DTNA: variants seen among roughly 807,000 people sequenced by gnomAD.
The protein encoded by DTNA is dystrophin-related protein 3.
A neutral mutation model predicts 100.7 loss-of-function variants in DTNA; 43 were observed. The observed-to-expected ratio is 0.43, with a 90% CI of 0.33 to 0.55. DTNA has a LOEUF of 0.55. Ranked by LOEUF, DTNA falls within the 20% of genes least tolerant of loss-of-function variation. The pLI is 0.04. For synonymous variants in DTNA, 349 were observed against 347.9 expected (o/e 1.00, Z -0.04); for missense variants, 798 against 953.9 (o/e 0.84, Z 2.15).
intron 1 of DTNA, among the ~76,000 whole-genome samples, chr18:34,579,394 T>C (rs1207818439): frequency 6.6e-6 from 1 of 152,194 alleles, no homozygotes; most frequent in Non-Finnish European, 1.5e-5. Flanking sequence ...TTATCCACTC[T>C]AATAATTTTC....
At chr18:34,568,398 A>G (rs2047271468) in intron 1 of DTNA, among the ~76,000 whole-genome samples, 1 of 152,174 alleles carries the variant, frequency 6.6e-6, no homozygotes, top group African/African-American at 2.4e-5. Flanking sequence ...ATAAGATCTT[A>G]GGTAACGTGA....
At chr18:34,831,108 C>T (rs1253794098) in intron 11 of DTNA, among the ~76,000 whole-genome samples, 1 of 152,100 alleles carries the variant, frequency 6.6e-6, no homozygotes, top group African/African-American at 2.4e-5. Context: ...ATTATCTTGC[C>T]ATAATCATTA....
intron 1 of DTNA, among the ~76,000 whole-genome samples, chr18:34,602,005 A>G (rs1192480212): frequency 6.6e-6 from 1 of 152,210 alleles, no homozygotes; most frequent in African/African-American, 2.4e-5. Context: ...CTCAGCCCCC[A>G]CTTTAATCAG....
chr18:34,872,659 C>CT lies in DTNA; in HGVS notation c.1744-2580_1744-2579insT, dbSNP rs2096776984. On this transcript the variant is annotated intron_variant, in intron 17 of 22. Transcript: ENST00000444659. ...CAATTGATAAACAGTCCAAGGCCCT[C>CT]CCATCACCCTGAGCACCCATACATC... Among the ~76,000 whole-genome samples the CT allele has an allele frequency of 2.6e-5, 4 of 152,334 alleles. No individual in the cohort carries two copies. In the South Asian group the frequency reaches 8.3e-4, roughly 32 times the overall value.
At chr18:34,692,770 C>A (rs1247751472) in intron 1 of DTNA, among the ~76,000 whole-genome samples, 1 of 152,196 alleles carries the variant, frequency 6.6e-6, no homozygotes, top group African/African-American at 2.4e-5. Flanking sequence ...ATGATGGTAT[C>A]TAAAGCTGTA....
At chr18:34,571,368 C>G (rs558092895) in intron 1 of DTNA, among the ~76,000 whole-genome samples, 1 of 152,290 alleles carries the variant, frequency 6.6e-6, no homozygotes, top group South Asian at 2.1e-4. Context: ...AACTCTCATA[C>G]TGTGTGCTTA....
chr18:34,779,618 G>A (rs1056741910), intron 3 of DTNA, among the ~76,000 whole-genome samples: 3 of 152,094 alleles, frequency 2.0e-5, no homozygotes, highest in East Asian at 3.8e-4. Flanking sequence ...AAATCTAAAA[G>A]CCTGAATTGT....
At chr18:34,848,254 C>T in intron 13 of DTNA, 42 bp from the exon 14 acceptor site, 1 of 1,594,012 alleles carries the variant, frequency 6.3e-7, no homozygotes, top group African/African-American at 1.3e-5. Flanking sequence ...AGCAATCTTT[C>T]TCAGTTGCCT....
intron 1 of DTNA, among the ~76,000 whole-genome samples, chr18:34,667,869 A>G (rs971532501): frequency 1.8e-4 from 27 of 152,174 alleles, no homozygotes; most frequent in Non-Finnish European, 2.8e-4. Flanking sequence ...CATCAGGGAT[A>G]TTGGTCTAAA....
chr18:34,689,647 C>G (rs1340522596), intron 1 of DTNA, among the ~76,000 whole-genome samples: 1 of 152,220 alleles, frequency 6.6e-6, no homozygotes, highest in Non-Finnish European at 1.5e-5. Flanking sequence ...AGGAGGCAAT[C>G]TGTCCCTTAG....
chr18:34,750,119 G>A (rs2092163019), intron 1 of DTNA, among the ~76,000 whole-genome samples: 2 of 152,208 alleles, frequency 1.3e-5, no homozygotes, highest in African/African-American at 2.4e-5. Flanking sequence ...TGGTAATGCT[G>A]TCATCATATT....
At chr18:34,605,079 T>C (rs1300949850) in intron 1 of DTNA, among the ~76,000 whole-genome samples, 1 of 151,456 alleles carries the variant, frequency 6.6e-6, no homozygotes, top group African/African-American at 2.4e-5. Context: ...GGAAAAACAA[T>C]GGGCATTTTC....
In DTNA at chr18:34,566,233, G is replaced by A. The variant is rs2047072298; in HGVS notation, c.-2+72719G>A. On this transcript the variant is annotated intron_variant, in intron 1 of 19. Coordinates refer to the DTNA transcript ENST00000283365. ...AAGGAGTTTGTGGAAAAACAATAGG[G>A]AAACCAGCAGAGAAGGGTGGCATAG... Among the ~76,000 whole-genome samples, 4 of 151,724 alleles carry A rather than the reference G, an allele frequency of 2.6e-5. No homozygotes were observed. In the South Asian group the frequency reaches 8.3e-4, roughly 32 times the overall value.
At chr18:34,696,563 T>C (rs1004715373) in intron 1 of DTNA, among the ~76,000 whole-genome samples, 2 of 151,830 alleles carry the variant, frequency 1.3e-5, no homozygotes, top group Non-Finnish European at 2.9e-5. Flanking sequence ...GGCGACAGAG[T>C]GAGACTCCAT....
At position 34,848,475 on chromosome 18, in the gene DTNA, T is replaced by C. The variant is rs543234575; in HGVS notation, c.1434+92T>C. Reference sequence around the variant, plus strand: ...TTATTGTTATTATAGCTGGTGCTGATTACCAGGACAATTTGTGCTAATTTA... The same window carrying C: ...TTATTGTTATTATAGCTGGTGCTGACTACCAGGACAATTTGTGCTAATTTA... On this transcript the variant is annotated intron_variant, in intron 14 of 22. Transcript: ENST00000444659. 6.4e-5 allele frequency: 83 copies of C among 1,301,788 alleles called. No homozygotes were observed. In the African/African-American group the frequency reaches 9.9e-4, roughly 16 times the overall value. The allele number at this position is 1,301,788 out of a possible 1,614,324, so 80.6% of individuals were successfully genotyped here.
intron 11 of DTNA, among the ~76,000 whole-genome samples, chr18:34,835,992 T>G (rs1320249077): frequency 6.6e-6 from 1 of 152,230 alleles, no homozygotes; most frequent in Non-Finnish European, 1.5e-5. Context: ...CACAGTGTTT[T>G]GAATGGTTTT....
chr18:34,872,454 A>G (rs521440), intron 17 of DTNA, among the ~76,000 whole-genome samples: 22,875 of 152,178 alleles, frequency 0.15, 1,925 homozygotes, highest in African/African-American at 0.23. Context: ...AAATCACTAG[A>G]TCCAGATATG....
intron 1 of DTNA, among the ~76,000 whole-genome samples, chr18:34,645,440 A>C (rs1299615130): frequency 6.6e-6 from 1 of 152,116 alleles, no homozygotes; most frequent in African/African-American, 2.4e-5. Context: ...GAGAATTACT[A>C]TTGACTAAGG....
At chr18:34,880,462 T>C (rs1262500462) in intron 20 of DTNA, among the ~76,000 whole-genome samples, 1 of 152,116 alleles carries the variant, frequency 6.6e-6, no homozygotes, top group Non-Finnish European at 1.5e-5. Context: ...AGTGGCCCAT[T>C]AAATGACCAT....
Sources: gnomAD v4.1 joint callset for allele counts (sites outside exome capture counted in the v4.1 genomes callset) on GRCh38, gnomAD v4.1.1 for gene constraint, MANE v1.5 for transcripts, NCBI Gene and HGNC (gene_info 2026-07-23, HGNC 2026-07-21) for gene names.